The following RFLNA variants were observed in gnomAD, a reference collection of about 807,000 sequenced individuals.
The protein encoded by RFLNA is refilin A, also known as refilin-A.
A neutral mutation model predicts 7.8 loss-of-function variants in RFLNA; 5 were observed. That is an observed-to-expected ratio of 0.64 (90% CI 0.34 to 1.35). The LOEUF (loss-of-function observed/expected upper bound fraction) is 1.35, where lower values mean the gene tolerates loss of function less well. RFLNA is among the 40% of genes most tolerant of loss of function. The probability of loss-of-function intolerance (pLI) is 0.04; values close to 1 mark genes in which losing one functional copy is unlikely to be tolerated. For synonymous variants in RFLNA, 141 were observed against 131.3 expected (o/e 1.07, Z -0.50); for missense variants, 278 against 305.5 (o/e 0.91, Z 0.67).
chr12:124,308,243 A>AGGCCTCT (rs1367155466), intron 1 of RFLNA, among the ~76,000 whole-genome samples: 2 of 152,074 alleles, frequency 1.3e-5, no homozygotes, highest in African/African-American at 4.8e-5. Context: ...CGGCCTCCCA[A>AGGCCTCT]AGTGCTAGGA....
Position 124,300,016 on chromosome 12 carries a change from A to G in RFLNA, c.207+4380A>G, listed in dbSNP as rs11836507. ...CAGTTCGGAGAAGTAGCCCTGTGCC[A>G]TCTTACTGCACTCAGGGAGGCTGAA... is the stretch of plus-strand genomic sequence containing the variant. On this transcript the variant is annotated intron_variant, in intron 1 of 2. Transcript: ENST00000546355. Among the ~76,000 whole-genome samples, 1,391 of 152,340 alleles carry G rather than the reference A, an allele frequency of 9.1e-3. 14 individuals carry two copies. The highest frequency in any genetic ancestry group is 0.03 in the African/African-American group (1,234 of 41,576).
At chr12:124,312,485 A>AT (rs1217728144) in intron 2 of RFLNA, among the ~76,000 whole-genome samples, 1 of 151,726 alleles carries the variant, frequency 6.6e-6, no homozygotes. Context: ...TAATTTTTGT[A>AT]TTTTTTGTAG....
At chr12:124,300,761 TGGATGGATGGATTGAC>T (rs1434151067) in intron 1 of RFLNA, among the ~76,000 whole-genome samples, 378 of 112,828 alleles carry the variant, frequency 3.4e-3, no homozygotes, top group South Asian at 0.011. Flanking sequence ...GATGGATGGA[TGGATGGATGGATTGAC>T]GGATGGATGG....
Position 124,295,354 on chromosome 12 carries a change from C to A in RFLNA, c.-76C>A. On this transcript the variant is annotated 5_prime_UTR_variant, in exon 1 of 3. Coordinates refer to ENST00000546355, the MANE Select transcript of RFLNA (RefSeq NM_001365156.1). ...GGGCGCGCAGCTCTCGCCCCGCCGC[C>A]GCCTGCCCCGGGCCCCGGAGCGCGG... The A allele has an allele frequency of 1.1e-6, 1 of 917,108 alleles. No homozygotes were observed. Among genetic ancestry groups the A allele is most frequent in the Non-Finnish European group, 1.4e-6 (1 of 707,198 alleles). The allele number at this position is 917,108 out of a possible 1,614,324, so 56.8% of individuals were successfully genotyped here.
chr12:124,293,084 C>T (rs910090911), upstream of RFLNA, among the ~76,000 whole-genome samples: 1 of 152,016 alleles, frequency 6.6e-6, no homozygotes, highest in East Asian at 1.9e-4. Flanking sequence ...CCACCACGCC[C>T]GGCTAATTTT....
In RFLNA at chr12:124,311,899, G is replaced by A; in HGVS notation, c.289G>A (p.Val97Met). ...AGTGTTCTTTGGGGAGAGCATCAAG[G>A]TGAACCCGGAACCCACGCATGAGAT... ...LPVFFGESIK[V>M]NPEPTHEIRC... Residue 97 changes from valine (V) to methionine (M), a missense_variant, in exon 2 of 3, where the codon GTG becomes ATG. Val to Met is a conservative substitution (Grantham distance 21). Transcript: ENST00000546355. 1.9e-6 allele frequency: 3 copies of A among 1,596,104 alleles called. No homozygotes were observed. Among genetic ancestry groups the A allele is most frequent in the Non-Finnish European group, 2.6e-6 (3 of 1,171,664 alleles).
intron 1 of RFLNA, among the ~76,000 whole-genome samples, chr12:124,307,400 G>C (rs910527025): frequency 5.3e-5 from 8 of 152,204 alleles, no homozygotes; most frequent in Non-Finnish European, 2.9e-5. Context: ...GGGGCAGCCA[G>C]TGACCAGCAG....
Position 124,314,608 on chromosome 12 carries a change from T to C in RFLNA, c.*83T>C. 1 of 1,533,358 alleles carries C rather than the reference T, an allele frequency of 6.5e-7. No individual in the cohort carries two copies. Among genetic ancestry groups the C allele is most frequent in the Non-Finnish European group, 8.7e-7 (1 of 1,144,928 alleles). The allele number at this position is 1,533,358 out of a possible 1,614,324, so 95.0% of individuals were successfully genotyped here. On this transcript the variant is annotated 3_prime_UTR_variant, in exon 3 of 3. Transcript: ENST00000546355. ...GAGGATGGACACGATGAGCTCGGCC[T>C]GGCACTCGGGCAGGAGGCGGGAAGG...
In RFLNA at chr12:124,295,643, A is replaced by C. The variant is rs2033894993; in HGVS notation, c.207+7A>C. On this transcript the variant is annotated splice_region_variant and intron_variant, in intron 1 of 2. Coordinates refer to ENST00000546355, the MANE Select transcript of RFLNA (RefSeq NM_001365156.1). Reference sequence around the variant, plus strand: ...ACCCAGCGAGGCCAGAGCGGTAAGGAGGCGCTCTCTCTCCCAAACGGGGGA... The same window carrying C: ...ACCCAGCGAGGCCAGAGCGGTAAGGCGGCGCTCTCTCTCCCAAACGGGGGA... 8.2e-7 allele frequency: 1 copy of C among 1,221,426 alleles called. No individual in the cohort carries two copies. Among genetic ancestry groups the C allele is most frequent in the Non-Finnish European group, 1.0e-6 (1 of 982,848 alleles). 75.7% of individuals were successfully genotyped at this position (1,221,426 alleles called of 1,614,324 possible).
rs11832313 is a variant in RFLNA, at chr12:124,314,309, G to C, written c.435G>C (p.Thr145=). 2 of 1,613,320 alleles carry C rather than the reference G, an allele frequency of 1.2e-6. No individual in the cohort carries two copies. The highest frequency in any genetic ancestry group is 1.7e-6 in the Non-Finnish European group (2 of 1,180,014). The part of the protein sequence containing the change: ...SETIVAAPNC[T]WRNYRSQLTL... Reference sequence around the variant, plus strand: ...CCATCGTGGCAGCACCCAACTGCACGTGGCGCAACTACCGCAGCCAGCTGA... The same window carrying C: ...CCATCGTGGCAGCACCCAACTGCACCTGGCGCAACTACCGCAGCCAGCTGA... Residue 145 remains threonine, a synonymous_variant, in exon 3 of 3, where the codon ACG becomes ACC. Coordinates refer to ENST00000546355, the MANE Select transcript of RFLNA (RefSeq NM_001365156.1).
At chr12:124,292,401 C>A (rs2033837454), upstream of RFLNA, among the ~76,000 whole-genome samples, 1 of 152,226 alleles carries the variant, frequency 6.6e-6, no homozygotes, top group Admixed American at 6.5e-5. Flanking sequence ...AGCCTCCTGC[C>A]CTGCCCACTG....
rs989834153 is a variant in RFLNA at position 124,315,164 on chromosome 12, G to C, written c.*639G>C. ...CCAGCGCTGGAGGTGGTGATACTGG[G>C]GGCGGGGAAGGCCTAGAAATACTTT... On this transcript the variant is annotated 3_prime_UTR_variant, in exon 3 of 3. Transcript: ENST00000546355. 1.7e-5 allele frequency: 3 copies of C among 171,660 alleles called. No homozygotes were observed. The highest frequency in any genetic ancestry group is 3.8e-5 in the Non-Finnish European group (3 of 79,408). 10.6% of individuals were successfully genotyped at this position (171,660 alleles called of 1,614,324 possible).
chr12:124,313,899 C>A (rs80187036), intron 2 of RFLNA, among the ~76,000 whole-genome samples: 86 of 152,328 alleles, frequency 5.6e-4, no homozygotes, highest in African/African-American at 1.9e-3. Context: ...CACGACACGG[C>A]TCAGTTTCAC....
At chr12:124,303,535 C>T (rs182919861) in intron 1 of RFLNA, among the ~76,000 whole-genome samples, 1 of 152,184 alleles carries the variant, frequency 6.6e-6, no homozygotes, top group East Asian at 1.9e-4. Flanking sequence ...CTGGGCCATC[C>T]CTGTTTTCCT....
At position 124,314,787 on chromosome 12, in the gene RFLNA, A is replaced by G. The variant is rs971905978; in HGVS notation, c.*262A>G. ...CTTAAGCTGGCAAGGCGGTAGGGGCATGCACTGTTAGGTGGTGGCCACCCC... is the reference window on the plus strand; with the variant it reads ...CTTAAGCTGGCAAGGCGGTAGGGGCGTGCACTGTTAGGTGGTGGCCACCCC... On this transcript the variant is annotated 3_prime_UTR_variant, in exon 3 of 3. Transcript: ENST00000546355. 2.9e-6 allele frequency: 2 copies of G among 691,036 alleles called. No homozygotes were observed. The highest frequency in any genetic ancestry group is 3.5e-5 in the African/African-American group (2 of 56,936). 42.8% of individuals were successfully genotyped at this position (691,036 alleles called of 1,614,324 possible).
chr12:124,302,712 G>A (rs2034059207), intron 1 of RFLNA, among the ~76,000 whole-genome samples: 1 of 152,092 alleles, frequency 6.6e-6, no homozygotes, highest in South Asian at 2.1e-4. Flanking sequence ...CAGATTCCCA[G>A]TGTATATCCC....
In RFLNA at chr12:124,296,072, T is replaced by TTTTCTTTCTTTC. The variant is rs1165061619; in HGVS notation, c.207+478_207+489dup. 1.6e-3 allele frequency among the ~76,000 whole-genome samples: 155 copies of TTTTCTTTCTTTC among 94,696 alleles called. 34 individuals are homozygous for TTTTCTTTCTTTC. The highest frequency in any genetic ancestry group is 7.0e-3 in the African/African-American group (141 of 20,260). 62.1% of individuals were successfully genotyped at this position (94,696 alleles called of 152,430 possible). ...TCCGGGCGCTGCCAATGTGAAAGCCTTTTCTTTCTTTCTTTCTTTCTTTCT... is the reference window on the plus strand; with the variant it reads ...TCCGGGCGCTGCCAATGTGAAAGCCTTTTCTTTCTTTCTTTCTTTCTTTCTTTCTTTCTTTCT... On this transcript the variant is annotated intron_variant, in intron 1 of 2. Transcript: ENST00000546355.
chr12:124,295,345 C>G lies in RFLNA; in HGVS notation c.-85C>G. On this transcript the variant is annotated 5_prime_UTR_variant, in exon 1 of 3. Transcript: ENST00000546355. ...CAGGTCCCCGGGCGCGCAGCTCTCG[C>G]CCCGCCGCCGCCTGCCCCGGGCCCC... The G allele has an allele frequency of 4.8e-6, 4 of 827,586 alleles. No homozygotes were observed. The highest frequency in any genetic ancestry group is 6.4e-6 in the Non-Finnish European group (4 of 628,008). 51.3% of individuals were successfully genotyped at this position (827,586 alleles called of 1,614,324 possible). A position where few individuals can be genotyped will look rare whatever the true frequency, so the allele number is the denominator to read the frequency against.
At chr12:124,299,139 C>T (rs2033982866) in intron 1 of RFLNA, among the ~76,000 whole-genome samples, 2 of 152,254 alleles carry the variant, frequency 1.3e-5, no homozygotes, top group Admixed American at 6.5e-5. Context: ...ATTCCACACT[C>T]CCCAAATTAG....
Sources: allele counts gnomAD v4.1 joint callset (sites outside exome capture counted in the v4.1 genomes callset), GRCh38; gene constraint gnomAD v4.1.1; transcripts MANE v1.5; gene names NCBI Gene and HGNC (gene_info 2026-07-23, HGNC 2026-07-21).